The following ZNF337 variants were observed in gnomAD, a reference collection of about 807,000 sequenced individuals.
ZNF337 encodes the protein zinc finger protein 337.
ZNF337 carries 8 observed loss-of-function variants against 12.1 expected under a neutral mutation model. The observed-to-expected ratio is 0.66, with a 90% CI of 0.39 to 1.19. The LOEUF (loss-of-function observed/expected upper bound fraction) is 1.19. Ranked by LOEUF, ZNF337 falls within the 50% of genes most tolerant of loss-of-function variation. The pLI is 0.01. For missense variants in ZNF337, 882 were observed against 896.6 expected (o/e 0.98, Z 0.21); for synonymous variants, 336 against 320.0 (o/e 1.05, Z -0.53).
In ZNF337 at chr20:25,686,068, G is replaced by GCCT; in HGVS notation, c.79_81dup (p.Arg27dup). 1 of 1,614,118 alleles carries GCCT rather than the reference G, an allele frequency of 6.2e-7. No individual in the cohort carries two copies. Among genetic ancestry groups the GCCT allele is most frequent in the Non-Finnish European group, 8.5e-7 (1 of 1,180,010 alleles). ...AGGGCCCTCTGAGCAGGGCTCAGCA[G>GCCT]CCTCCATTCCTTCTGGGTGAAATCC... On this transcript the variant is annotated inframe_insertion, in exon 3 of 5. Transcript: ENST00000252979.
At chr20:25,681,702 G>A (rs2065770386) in intron 4 of ZNF337, among the ~76,000 whole-genome samples, 1 of 152,130 alleles carries the variant, frequency 6.6e-6, no homozygotes, top group Admixed American at 6.5e-5. Context: ...TAATTCTTTT[G>A]TGTTGTCATA....
chr20:25,676,316 C>T lies in ZNF337; in HGVS notation c.972G>A (p.Glu324=), dbSNP rs374486515. 5.6e-6 allele frequency: 9 copies of T among 1,611,544 alleles called. No homozygotes were observed. Among genetic ancestry groups the T allele is most frequent in the South Asian group, 2.2e-5 (2 of 90,984 alleles). ...HSGEKPFVCK[E]CGRGYTNKSY... The stretch of plus-strand genomic sequence containing the variant: ...ACTTATTAGTATAGCCTCGCCCACA[C>T]TCCTTGCACACAAAAGGCTTCTCCC... Residue 324 remains glutamate, a synonymous_variant, in exon 5 of 5, where the codon GAG becomes GAA. Coordinates refer to ENST00000252979, the MANE Select transcript of ZNF337 (RefSeq NM_015655.4).
At chr20:25,677,250 A>G in intron 4 of ZNF337, 1 of 496,100 alleles carries the variant, frequency 2.0e-6, no homozygotes, top group East Asian at 3.2e-5. Flanking sequence ...CCTGATACCA[A>G]AACCAGACAA....
intron 4 of ZNF337, among the ~76,000 whole-genome samples, chr20:25,680,418 A>T (rs2065756101): frequency 1.3e-5 from 2 of 152,128 alleles, no homozygotes; most frequent in Admixed American, 1.3e-4. Context: ...TCCCCCCAAA[A>T]CTAATACAAA....
intron 1 of ZNF337, among the ~76,000 whole-genome samples, chr20:25,696,086 A>AT (rs1171593384): frequency 3.0e-4 from 18 of 60,344 alleles, no homozygotes; most frequent in African/African-American, 6.5e-4. Context: ...CCCCACGCAG[A>AT]TCCCCCCCCC....
rs1163219177 is a variant in ZNF337, at chr20:25,676,242, CTGTAAGG to C, written c.1039_1045del (p.Pro347AspfsTer39). The C allele has an allele frequency of 6.2e-7, 1 of 1,612,298 alleles. No individual in the cohort carries two copies. On this transcript the variant is annotated frameshift_variant, in exon 5 of 5. Coordinates refer to ENST00000252979, the MANE Select transcript of ZNF337 (RefSeq NM_015655.4). LOFTEE classifies it low-confidence loss of function (END_TRUNC). ...AAAGCCTCGGCCACACTCCTGGCATCTGTAAGGCTTCTCTCCTGAGTGTATTCTCTTG... is the reference window on the plus strand; with the variant it reads ...AAAGCCTCGGCCACACTCCTGGCATCCTTCTCTCCTGAGTGTATTCTCTTG...
chr20:25,675,422 ATGT>A lies in ZNF337; in HGVS notation c.1863_1865del (p.His622del). The A allele has an allele frequency of 5.0e-6, 8 of 1,611,104 alleles. No homozygotes were observed. The highest frequency in any genetic ancestry group is 5.9e-6 in the Non-Finnish European group (7 of 1,179,200). The stretch of plus-strand genomic sequence containing the variant: ...TGCATACAAAAGGCTGCTTGCCAGA[ATGT>A]GCAAGCTGGTGTTTCACAAGATTTG... On this transcript the variant is annotated inframe_deletion, in exon 5 of 5. Transcript: ENST00000252979.
intron 1 of ZNF337, among the ~76,000 whole-genome samples, chr20:25,691,081 AGAAAAG>A (rs1278357800): frequency 3.3e-5 from 5 of 152,226 alleles, no homozygotes; most frequent in African/African-American, 1.2e-4. Flanking sequence ...ACACGGGTAG[AGAAAAG>A]GAAATCAGGA....
At chr20:25,696,060 C>A (rs1371111884) in intron 1 of ZNF337, among the ~76,000 whole-genome samples, 1 of 151,370 alleles carries the variant, frequency 6.6e-6, no homozygotes, top group Non-Finnish European at 1.5e-5. Context: ...AGCCACCTCA[C>A]CTCCCGCGGA....
chr20:25,677,697 A>G (rs1326944080), intron 4 of ZNF337: 1 of 152,108 alleles, frequency 6.6e-6, no homozygotes, highest in East Asian at 1.9e-4. Context: ...TAGTCAAGCC[A>G]TAGGTGCCAT....
rs1009016547 is a variant in ZNF337, at chr20:25,696,836, G to A, written c.-127C>T. 3.0e-6 allele frequency: 3 copies of A among 985,278 alleles called. No individual in the cohort carries two copies. Among genetic ancestry groups the A allele is most frequent in the Non-Finnish European group, 3.6e-6 (3 of 829,880 alleles). 61.0% of individuals were successfully genotyped at this position (985,278 alleles called of 1,614,324 possible). A position where few individuals can be genotyped will look rare whatever the true frequency, so the allele number is the denominator to read the frequency against. On this transcript the variant is annotated 5_prime_UTR_variant, in exon 1 of 5. Transcript: ENST00000252979. The stretch of plus-strand genomic sequence containing the variant: ...CATCTCACGGCTCGCTGACGCCCAG[G>A]GATCTGGAACGCTCTGCGCCGCCCG...
chr20:25,692,943 T>A (rs1015771748), intron 1 of ZNF337, among the ~76,000 whole-genome samples: 1 of 152,182 alleles, frequency 6.6e-6, no homozygotes, highest in Admixed American at 6.5e-5. Context: ...TCAAAACTCA[T>A]CAACTAGAAC....
intron 1 of ZNF337, among the ~76,000 whole-genome samples, chr20:25,693,520 C>T (rs1473281095): frequency 6.6e-6 from 1 of 152,226 alleles, no homozygotes; most frequent in Admixed American, 6.5e-5. Flanking sequence ...TGGCTCAGCA[C>T]ATGCTGACTG....
chr20:25,676,933 C>T lies in ZNF337; in HGVS notation c.355G>A (p.Glu119Lys). 1 of 1,614,116 alleles carries T rather than the reference C, an allele frequency of 6.2e-7. No individual in the cohort carries two copies. The highest frequency in any genetic ancestry group is 1.1e-5 in the South Asian group (1 of 91,078). ...GTGCTTTTTTCTTTCTCTTGACCTT[C>T]AGCTGTGTCACTCTGGAAGCTTTGA... The part of the protein sequence containing the change: ...SDQSFQSDTA[E>K]GQEKEKSTKP... The change falls in exon 5 of 5, where the codon GAA (glutamate) becomes AAA (lysine). Residue 119 changes from glutamate to lysine, a missense_variant. Transcript: ENST00000252979.
intron 1 of ZNF337, among the ~76,000 whole-genome samples, chr20:25,688,834 G>C (rs933273904): frequency 6.6e-6 from 1 of 152,076 alleles, no homozygotes; most frequent in African/African-American, 2.4e-5. Context: ...GGTTAAGTAA[G>C]GGTAAGTATC....
chr20:25,676,047 C>T lies in ZNF337; in HGVS notation c.1241G>A (p.Ser414Asn). The T allele has an allele frequency of 1.2e-6, 2 of 1,613,900 alleles. No individual in the cohort carries two copies. Among genetic ancestry groups the T allele is most frequent in the Non-Finnish European group, 1.7e-6 (2 of 1,179,964 alleles). Reference sequence around the variant, plus strand: ...GTGGTAGACAAGAGTTGACTTTTGGCTAAAGCTTCGCTCACAATCCTTGCA... The same window carrying T: ...GTGGTAGACAAGAGTTGACTTTTGGTTAAAGCTTCGCTCACAATCCTTGCA... Reference protein sequence around the residue: ...FVCKDCERSFSQKSTLVYHQR... With the variant: ...FVCKDCERSFNQKSTLVYHQR... The change falls in exon 5 of 5, where the codon AGC (serine) becomes AAC (asparagine). Residue 414 changes from serine (S) to asparagine (N), a missense_variant. Coordinates refer to ENST00000252979, the MANE Select transcript of ZNF337 (RefSeq NM_015655.4).
rs893616392 is a variant in ZNF337, at chr20:25,673,457, C to T, written c.*1575G>A. Among the ~76,000 whole-genome samples, 5 of 152,082 alleles carry T rather than the reference C, an allele frequency of 3.3e-5. No homozygotes were observed. The highest frequency in any genetic ancestry group is 6.6e-5 in the Admixed American group (1 of 15,266). On this transcript the variant is annotated 3_prime_UTR_variant, in exon 5 of 5. Transcript: ENST00000252979. ...GGTAATGAATGGTGGAAATGCTATT[C>T]CTAAGGAAGGATGGGCCATCTCTAC...
intron 1 of ZNF337, 26 bp downstream of exon 1, chr20:25,696,733 G>A: frequency 1.0e-6 from 1 of 985,406 alleles, no homozygotes; most frequent in Non-Finnish European, 1.2e-6. Context: ...GCGCTGCAGA[G>A]AGGGACCCGC....
At chr20:25,692,864 C>T (rs554038700) in intron 1 of ZNF337, among the ~76,000 whole-genome samples, 1 of 152,314 alleles carries the variant, frequency 6.6e-6, no homozygotes, top group South Asian at 2.1e-4. Flanking sequence ...AAAACAGCTC[C>T]TACATTTTTG....
Sources: gnomAD v4.1 joint callset for allele counts (sites outside exome capture counted in the v4.1 genomes callset) on GRCh38, gnomAD v4.1.1 for gene constraint, MANE v1.5 for transcripts, NCBI Gene and HGNC (gene_info 2026-07-23, HGNC 2026-07-21) for gene names.